Variants in DZANK1 observed in about 807,000 individuals in gnomAD.
The protein encoded by DZANK1 is double zinc ribbon and ankyrin repeat-containing protein 1.
A neutral mutation model predicts 94.5 loss-of-function variants in DZANK1; 91 were observed. That is an observed-to-expected ratio of 0.96 (90% CI 0.81 to 1.15). The LOEUF is 1.15. Among genes scored for constraint, DZANK1 ranks in the 50% most tolerant of loss-of-function variants. The pLI, the probability that DZANK1 is intolerant of heterozygous loss-of-function variation, is 0.00. For synonymous variants in DZANK1, 312 were observed against 325.3 expected, an observed-to-expected ratio of 0.96 and a Z score of 0.44; for missense variants, 903 against 916.4, an observed-to-expected ratio of 0.99 and a Z score of 0.19.
chr20:18,408,757 T>C (rs1457428097), intron 13 of DZANK1, among the ~76,000 whole-genome samples: 1 of 152,046 alleles, frequency 6.6e-6, no homozygotes, highest in Non-Finnish European at 1.5e-5. Context: ...TTACAAGAAA[T>C]GCTAAAGGGA....
intron 13 of DZANK1, among the ~76,000 whole-genome samples, chr20:18,410,158 C>T (rs1010890276): frequency 6.6e-6 from 1 of 151,530 alleles, no homozygotes; most frequent in South Asian, 2.1e-4. Flanking sequence ...ATAACAAAAG[C>T]CATAAATAAT....
At chr20:18,466,734 C>G (rs2059669556) in intron 1 of DZANK1, 1 of 152,258 alleles carries the variant, frequency 6.6e-6, no homozygotes, top group Non-Finnish European at 1.5e-5. Flanking sequence ...TCCGCCAGGC[C>G]CAAATGGCAA....
At chr20:18,427,492 T>C (rs1047191651) in intron 9 of DZANK1, among the ~76,000 whole-genome samples, 1 of 152,086 alleles carries the variant, frequency 6.6e-6, no homozygotes, top group African/African-American at 2.4e-5. Flanking sequence ...CCAGCCTGAA[T>C]GTAGTTTTAA....
At chr20:18,418,831 A>G (rs1186047070) in intron 10 of DZANK1, among the ~76,000 whole-genome samples, 1 of 152,274 alleles carries the variant, frequency 6.6e-6, no homozygotes, top group Non-Finnish European at 1.5e-5. Flanking sequence ...GAATTCTGGA[A>G]TAGAAAAAGA....
Position 18,400,713 on chromosome 20 carries a change from G to A in DZANK1, c.1433-2087C>T, listed in dbSNP as rs1230824095. 3.9e-5 allele frequency among the ~76,000 whole-genome samples: 6 copies of A among 152,292 alleles called. No homozygotes were observed. In the East Asian group the frequency reaches 1.2e-3, roughly 29 times the overall value. On this transcript the variant is annotated intron_variant, in intron 13 of 20. Transcript: ENST00000262547. ...AACACTAGAGATCATACTGAGCCTA[G>A]TGCACTGTTTGACACAAAGTAGCCA...
chr20:18,425,717 G>A (rs955046432), intron 10 of DZANK1, among the ~76,000 whole-genome samples: 1 of 152,178 alleles, frequency 6.6e-6, no homozygotes, highest in African/African-American at 2.4e-5. Context: ...TCATTAGGGT[G>A]GGCCCTAATC....
intron 13 of DZANK1, 77 bp from the exon 14 acceptor site, chr20:18,398,703 T>A: frequency 7.2e-7 from 1 of 1,393,676 alleles, no homozygotes; most frequent in Non-Finnish European, 1.0e-6. Context: ...ATGGAACATA[T>A]GTTCTTAGAG....
At chr20:18,456,897 C>A (rs2059312031) in intron 3 of DZANK1, among the ~76,000 whole-genome samples, 1 of 152,112 alleles carries the variant, frequency 6.6e-6, no homozygotes, top group East Asian at 1.9e-4. Flanking sequence ...TATGTGGACA[C>A]GTTTTCATTT....
intron 3 of DZANK1, among the ~76,000 whole-genome samples, chr20:18,456,637 C>T (rs983484906): frequency 1.3e-5 from 2 of 151,968 alleles, no homozygotes; most frequent in African/African-American, 2.4e-5. Flanking sequence ...TTTGTCTTTT[C>T]TAGAAATTTA....
chr20:18,391,455 G>C (rs2055980483), intron 17 of DZANK1, among the ~76,000 whole-genome samples: 1 of 152,072 alleles, frequency 6.6e-6, no homozygotes, highest in Non-Finnish European at 1.5e-5. Flanking sequence ...GGATGGTCTC[G>C]ATCACCTGAC....
rs1010349945 is a variant in DZANK1 at position 18,441,887 on chromosome 20, G to C, written c.747+1460C>G. ...CCAGTGGAACTGAGAAGCGTCCATG[G>C]GACAACACTGAAATTCACAGGGTTC... is the stretch of plus-strand genomic sequence containing the variant. On this transcript the variant is annotated intron_variant, in intron 8 of 20. Transcript: ENST00000262547. The surrounding 1 kb of genome is among the most constrained non-coding windows in gnomAD (Gnocchi z 4.1). Among the ~76,000 whole-genome samples, 5 of 152,176 alleles carry C rather than the reference G, an allele frequency of 3.3e-5. No individual in the cohort carries two copies. Among genetic ancestry groups the C allele is most frequent in the African/African-American group, 1.2e-4 (5 of 41,424 alleles).
At chr20:18,445,842 C>T (rs545041868) in intron 7 of DZANK1, among the ~76,000 whole-genome samples, 1 of 152,260 alleles carries the variant, frequency 6.6e-6, no homozygotes, top group South Asian at 2.1e-4. Context: ...CTGCAGCCTC[C>T]ACCTCCTGGC....
At position 18,432,206 on chromosome 20, in the gene DZANK1, C is replaced by A. The variant is rs187470502; in HGVS notation, c.861+1446G>T. Among the ~76,000 whole-genome samples, 6 of 152,302 alleles carry A rather than the reference C, an allele frequency of 3.9e-5. No individual in the cohort carries two copies. The East Asian group carries it at 1.2e-3, about 29-fold the overall frequency. On this transcript the variant is annotated intron_variant, in intron 9 of 20. Coordinates refer to ENST00000262547, the Ensembl canonical transcript of DZANK1. Reference sequence around the variant, plus strand: ...TATATATATTGAGTTTGGGTCACAACTAACACTTACCCCTATTCTTCCTGT... The same window carrying A: ...TATATATATTGAGTTTGGGTCACAAATAACACTTACCCCTATTCTTCCTGT...
At chr20:18,428,287 C>T (rs1304688244) in intron 9 of DZANK1, among the ~76,000 whole-genome samples, 1 of 151,722 alleles carries the variant, frequency 6.6e-6, no homozygotes, top group Non-Finnish European at 1.5e-5. Context: ...CTCCCGGGTT[C>T]AAGTGATTCT....
At chr20:18,389,397 T>C (rs2048708808) in intron 19 of DZANK1, among the ~76,000 whole-genome samples, 1 of 152,210 alleles carries the variant, frequency 6.6e-6, no homozygotes, top group Non-Finnish European at 1.5e-5. Flanking sequence ...AAAACATTGA[T>C]TAACACCCCA....
chr20:18,447,900 AT>A (rs2058938285), intron 7 of DZANK1, among the ~76,000 whole-genome samples: 2 of 152,226 alleles, frequency 1.3e-5, no homozygotes, highest in South Asian at 4.1e-4. Flanking sequence ...TCTTAAAAAA[AT>A]ATATACCTAT....
chr20:18,465,113 A>G (rs1040116991), intron 2 of DZANK1, 137 bp downstream of exon 2: 36 of 593,178 alleles, frequency 6.1e-5, no homozygotes, highest in East Asian at 5.5e-4. Context: ...ACTGTTTCAA[A>G]TTTTAGAAGT....
intron 9 of DZANK1, among the ~76,000 whole-genome samples, chr20:18,430,835 T>TA (rs1568964959): frequency 1.3e-5 from 2 of 151,704 alleles, no homozygotes; most frequent in South Asian, 4.2e-4. Context: ...ATAATAAAAA[T>TA]AAAAAAAGAA....
chr20:18,450,414 A>G (rs1419986583), intron 6 of DZANK1, among the ~76,000 whole-genome samples: 1 of 152,260 alleles, frequency 6.6e-6, no homozygotes. Context: ...AAATAAAAAC[A>G]TAACATGACC....
Sources: gnomAD v4.1 joint callset for allele counts (sites outside exome capture counted in the v4.1 genomes callset) on GRCh38, gnomAD v4.1.1 for gene constraint, Gnocchi (gnomAD v3.1) non-coding constraint, MANE v1.5 for transcripts, NCBI Gene and HGNC (gene_info 2026-07-23, HGNC 2026-07-21) for gene names.